The following TMEM132B variants were observed in gnomAD, a reference collection of about 807,000 sequenced individuals.
TMEM132B encodes the protein transmembrane protein 132B.
A neutral mutation model predicts 90.8 loss-of-function variants in TMEM132B; 18 were observed. The ratio of observed to expected loss-of-function variants is 0.20; its 90% CI spans 0.14 to 0.29. The LOEUF (loss-of-function observed/expected upper bound fraction) is 0.29, where lower values mean the gene tolerates loss of function less well. TMEM132B is among the 10% of genes least tolerant of loss of function. The pLI is 1.00. For synonymous variants in TMEM132B, 504 were observed against 523.3 expected, an observed-to-expected ratio of 0.96 and a Z score of 0.50; for missense variants, 1,096 against 1,326.8, an observed-to-expected ratio of 0.83 and a Z score of 2.70.
intron 4 of TMEM132B, among the ~76,000 whole-genome samples, chr12:125,542,021 G>T (rs528550833): frequency 1.5e-5 from 1 of 67,448 alleles, no homozygotes; most frequent in African/African-American, 6.4e-5. Flanking sequence ...CAAAACCCCC[G>T]TCTCAAAAAA....
intron 5 of TMEM132B, among the ~76,000 whole-genome samples, chr12:125,606,639 A>G (rs1297564674): frequency 2.6e-5 from 4 of 152,212 alleles, no homozygotes; most frequent in African/African-American, 9.7e-5. Context: ...GCATTTCGGT[A>G]TCTGGGGCTT....
intron 2 of TMEM132B, among the ~76,000 whole-genome samples, chr12:125,412,840 C>T (rs1056372018): frequency 1.3e-5 from 2 of 152,076 alleles, no homozygotes; most frequent in African/African-American, 4.8e-5. Context: ...TTGTGGTTTG[C>T]ATAAATTAAT....
At chr12:125,281,444 G>T (rs1050547469) in intron 1 of TMEM132B, among the ~76,000 whole-genome samples, 3 of 152,142 alleles carry the variant, frequency 2.0e-5, no homozygotes, top group African/African-American at 4.8e-5. Context: ...AAAAAACCAG[G>T]CTTCGAAAGC....
rs901771815 is a variant in TMEM132B, at chr12:125,622,528, C to T, written c.1438-21548C>T. 18 of 983,168 alleles carry T rather than the reference C, an allele frequency of 1.8e-5. 1 individual carries two copies. Among genetic ancestry groups the T allele is most frequent in the South Asian group, 9.5e-5 (2 of 21,162 alleles). 60.9% of individuals were successfully genotyped at this position (983,168 alleles called of 1,614,324 possible). ...AGAAAGGTGTAGATCCTGCAGACTGCGTGGAGGCCATGCTTTCACATCAAG... is the reference window on the plus strand; with the variant it reads ...AGAAAGGTGTAGATCCTGCAGACTGTGTGGAGGCCATGCTTTCACATCAAG... On this transcript the variant is annotated intron_variant, in intron 5 of 8. Transcript: ENST00000682704.
At chr12:125,442,614 A>G (rs548918436) in intron 3 of TMEM132B, among the ~76,000 whole-genome samples, 138 of 152,328 alleles carry the variant, frequency 9.1e-4, no homozygotes, top group African/African-American at 3.3e-3. Context: ...GGAACAGAAC[A>G]AGCCCTTATT....
intron 3 of TMEM132B, among the ~76,000 whole-genome samples, chr12:125,516,705 G>A (rs1425799463): frequency 6.6e-6 from 1 of 152,208 alleles, no homozygotes; most frequent in Non-Finnish European, 1.5e-5. Context: ...GAAATGGCTG[G>A]TGGAAGAGCT....
chr12:125,285,473 C>T (rs998540505), intron 1 of TMEM132B, among the ~76,000 whole-genome samples: 2 of 152,188 alleles, frequency 1.3e-5, no homozygotes, highest in Non-Finnish European at 2.9e-5. Flanking sequence ...GCTGAAGCCT[C>T]CCTTTATTTT....
intron 3 of TMEM132B, among the ~76,000 whole-genome samples, chr12:125,503,749 G>T (rs924310057): frequency 1.3e-5 from 2 of 152,202 alleles, no homozygotes; most frequent in African/African-American, 4.8e-5. Context: ...AAAGAATCCA[G>T]CTTCTTACCA....
rs1312715385 is a variant in TMEM132B, at chr12:125,654,270, G to A, written c.2812G>A (p.Val938Met). 1.2e-6 allele frequency: 2 copies of A among 1,613,874 alleles called. No homozygotes were observed. The highest frequency in any genetic ancestry group is 2.2e-5 in the South Asian group (2 of 91,058). ...GAAATACAGACACAAAAGGTTTGCT[G>A]TGAGTGAGCAGGGCAACATCCCCCA... Reference protein sequence around the residue: ...AWKYRHKRFAVSEQGNIPHSH... With the variant: ...AWKYRHKRFAMSEQGNIPHSH... The change falls in exon 9 of 9, where the codon GTG becomes ATG. Residue 938 changes from valine (V) to methionine (M), a missense_variant. Transcript: ENST00000682704. The surrounding 1 kb of genome is among the most constrained non-coding windows in gnomAD (Gnocchi z 5.8).
intron 1 of TMEM132B, among the ~76,000 whole-genome samples, chr12:125,242,443 G>C (rs1874093630): frequency 6.6e-6 from 1 of 152,190 alleles, no homozygotes; most frequent in African/African-American, 2.4e-5. Context: ...CGAGGAAACT[G>C]AGGCCCAGAG....
intron 1 of TMEM132B, among the ~76,000 whole-genome samples, chr12:125,309,928 C>T (rs1389494061): frequency 6.6e-6 from 1 of 152,128 alleles, no homozygotes; most frequent in Non-Finnish European, 1.5e-5. Context: ...AGGGCTCACT[C>T]GAATGTCTGG....
At chr12:125,271,178 A>G (rs1874829318) in intron 1 of TMEM132B, among the ~76,000 whole-genome samples, 1 of 152,158 alleles carries the variant, frequency 6.6e-6, no homozygotes, top group Non-Finnish European at 1.5e-5. Context: ...TATGTCGCCT[A>G]CGCTGGTCTC....
chr12:125,577,558 AAAT>A (rs1377393889), intron 4 of TMEM132B, among the ~76,000 whole-genome samples: 2 of 149,932 alleles, frequency 1.3e-5, no homozygotes, highest in African/African-American at 4.9e-5. Context: ...TATTTAATAT[AAAT>A]AATGTGATAT....
chr12:125,213,820 G>A lies in TMEM132B; in HGVS notation c.67+26954G>A, dbSNP rs1315731228. Among the ~76,000 whole-genome samples, 1 of 152,238 alleles carries A rather than the reference G, an allele frequency of 6.6e-6. No homozygotes were observed. Among genetic ancestry groups the A allele is most frequent in the African/African-American group, 2.4e-5 (1 of 41,458 alleles). On this transcript the variant is annotated intron_variant, in intron 1 of 8. Coordinates refer to ENST00000682704, the MANE Select transcript of TMEM132B (RefSeq NM_001366854.1). The surrounding 1 kb of genome is among the most constrained non-coding windows in gnomAD (Gnocchi z 4.2). ...CATCAAGGGAGGTTCCTTGTGGCCA[G>A]TGCCAGGTTAGAATCTACTTTACAA...
rs565837131 is a variant in TMEM132B, at chr12:125,209,673, G to A, written c.67+22807G>A. Among the ~76,000 whole-genome samples, 13 of 152,352 alleles carry A rather than the reference G, an allele frequency of 8.5e-5. No individual in the cohort carries two copies. The South Asian group carries it at 2.7e-3, about 32-fold the overall frequency. On this transcript the variant is annotated intron_variant, in intron 1 of 8. Coordinates refer to ENST00000682704, the MANE Select transcript of TMEM132B (RefSeq NM_001366854.1). This position sits in a 1 kb window ranked among gnomAD's most constrained non-coding sequence, Gnocchi z 4.4. ...TCTTTGGCAGATGTGGAGTCTGAGT[G>A]GCTCAGACAGGCTGCTCTTTTTGTG...
At chr12:125,439,692 T>G (rs1021386687) in intron 3 of TMEM132B, among the ~76,000 whole-genome samples, 1 of 152,234 alleles carries the variant, frequency 6.6e-6, no homozygotes, top group South Asian at 2.1e-4. Context: ...TGGCCCAGAC[T>G]TCCAATTCTG....
intron 1 of TMEM132B, among the ~76,000 whole-genome samples, chr12:125,242,836 T>A (rs1173247563): frequency 1.3e-5 from 2 of 152,178 alleles, no homozygotes; most frequent in Non-Finnish European, 2.9e-5. Context: ...TTTCTTTTTT[T>A]AAATTATGTT....
chr12:125,570,373 A>G (rs184490629), intron 4 of TMEM132B, among the ~76,000 whole-genome samples: 13 of 152,320 alleles, frequency 8.5e-5, no homozygotes, highest in Admixed American at 4.6e-4. Context: ...GTGTCAGTTA[A>G]GCAGCACTTA....
chr12:125,460,363 G>T lies in TMEM132B; in HGVS notation c.1106+44686G>T, dbSNP rs1223547885. Among the ~76,000 whole-genome samples the T allele has an allele frequency of 6.6e-6, 1 of 151,932 alleles. No homozygotes were observed. The highest frequency in any genetic ancestry group is 1.9e-4 in the East Asian group (1 of 5,174). ...AAGAATTAGCTGGGCATGGTGGTGG[G>T]CGCCTGTAATCTCAGCTACTCAGGA... On this transcript the variant is annotated intron_variant, in intron 3 of 8. Coordinates refer to ENST00000682704, the MANE Select transcript of TMEM132B (RefSeq NM_001366854.1). The surrounding 1 kb of genome is among the most constrained non-coding windows in gnomAD (Gnocchi z 4.4).
Sources: allele counts gnomAD v4.1 joint callset (sites outside exome capture counted in the v4.1 genomes callset), GRCh38; gene constraint gnomAD v4.1.1; non-coding constraint Gnocchi (gnomAD v3.1); transcripts MANE v1.5; gene names NCBI Gene and HGNC (gene_info 2026-07-23, HGNC 2026-07-21).